The following SP110 variants were observed in gnomAD, a reference collection of about 807,000 sequenced individuals.
SP110 encodes the protein interferon-induced protein 41, 30kD.
Under a neutral mutation model 92.7 loss-of-function variants are expected in SP110, and 62 were observed. The observed-to-expected ratio is 0.67, with a 90% CI of 0.55 to 0.83. The LOEUF (loss-of-function observed/expected upper bound fraction) is 0.83. Among genes scored for constraint, SP110 ranks in the 40% least tolerant of loss-of-function variants. The probability of loss-of-function intolerance (pLI) is 0.00; values close to 1 mark genes in which losing one functional copy is unlikely to be tolerated. For missense variants in SP110, 793 were observed against 863.9 expected (o/e 0.92, Z 1.03); for synonymous variants, 273 against 305.3 (o/e 0.89, Z 1.10).
Position 230,177,538 on chromosome 2 carries a change from C to G in SP110, c.1590G>C (p.Lys530Asn). ...CCTATCTGTCCCGTCATTATAATAC[C>G]TTCAGCAGCTCTCCTAGGGTCATTC... ...CEGMTLGELL[K>N]RKNSDECEVC... is the part of the protein sequence containing the mutation. Residue 530 changes from lysine to asparagine, a missense_variant and splice_region_variant, in exon 14 of 19, where the codon AAG becomes AAC. Physicochemically the swap from Lys to Asn is moderately conservative, Grantham distance 94. Transcript: ENST00000258381. 2 of 1,614,012 alleles carry G rather than the reference C, an allele frequency of 1.2e-6. No homozygotes were observed. The highest frequency in any genetic ancestry group is 8.5e-7 in the Non-Finnish European group (1 of 1,179,886).
chr2:230,195,568 G>T (rs138614867), intron 10 of SP110, among the ~76,000 whole-genome samples: 2,331 of 152,188 alleles, frequency 0.015, 41 homozygotes, highest in African/African-American at 0.051. Context: ...GGACTCAAGT[G>T]AACCTCCTGC....
At chr2:230,206,624 T>C (rs1340953571) in intron 8 of SP110, among the ~76,000 whole-genome samples, 1 of 96,776 alleles carries the variant, frequency 1.0e-5, no homozygotes, top group East Asian at 3.4e-4. Flanking sequence ...TATATATATA[T>C]ATATATATAT....
chr2:230,218,338 G>A (rs905811911), intron 1 of SP110, among the ~76,000 whole-genome samples: 8 of 151,914 alleles, frequency 5.3e-5, no homozygotes, highest in Non-Finnish European at 8.8e-5. Flanking sequence ...TAACTTGGCA[G>A]AAAAAAATAC....
At chr2:230,197,784 C>G (rs1372903392) in intron 10 of SP110, among the ~76,000 whole-genome samples, 1 of 152,040 alleles carries the variant, frequency 6.6e-6, no homozygotes, top group East Asian at 1.9e-4. Context: ...TTCCCAGCAC[C>G]ATTTATTAAA....
chr2:230,216,695 G>A, intron 2 of SP110, 86 bp downstream of exon 2: 1 of 1,534,946 alleles, frequency 6.5e-7, no homozygotes, highest in Non-Finnish European at 9.0e-7. Context: ...AACTCTGGAA[G>A]CCCTGGTGGT....
chr2:230,195,011 CAA>C (rs1288577263), intron 10 of SP110, among the ~76,000 whole-genome samples: 1 of 151,720 alleles, frequency 6.6e-6, no homozygotes, highest in South Asian at 2.1e-4. Flanking sequence ...TGATAAACAC[CAA>C]GAGAGTAACA....
rs138936972 is a variant in SP110, at chr2:230,184,768, A to C, written c.1280-1128T>G. ...AAACAGATGACCCTCAAAAGAAAAA[A>C]TTCCAATGTCAAATTTATTTAAAAA... On this transcript the variant is annotated intron_variant, in intron 11 of 18. Coordinates refer to ENST00000258381, the MANE Select transcript of SP110 (RefSeq NM_080424.4). 4.8e-3 allele frequency among the ~76,000 whole-genome samples: 736 copies of C among 152,330 alleles called. 11 individuals are homozygous for C. The highest frequency in any genetic ancestry group is 0.017 in the African/African-American group (687 of 41,564).
chr2:230,175,945 C>CTTTTTTTTTT lies in SP110; in HGVS notation c.1590+1583_1590+1592dup, dbSNP rs34906767. Reference sequence around the variant, plus strand: ...CTTTTGCTTTTCATGCTGCAGCATTCTTTTTTTTTTTTTTCTGAGACAGGG... The same window carrying CTTTTTTTTTT: ...CTTTTGCTTTTCATGCTGCAGCATTCTTTTTTTTTTTTTTTTTTTTTTTTCTGAGACAGGG... On this transcript the variant is annotated intron_variant, in intron 14 of 18. Transcript: ENST00000258381. Among the ~76,000 whole-genome samples, 223 of 130,758 alleles carry CTTTTTTTTTT rather than the reference C, an allele frequency of 1.7e-3. 16 individuals carry two copies. Among genetic ancestry groups the CTTTTTTTTTT allele is most frequent in the South Asian group, 4.2e-3 (17 of 4,054 alleles). 85.8% of individuals were successfully genotyped at this position (130,758 alleles called of 152,430 possible).
chr2:230,206,824 GC>G (rs931442171), intron 8 of SP110, among the ~76,000 whole-genome samples: 1 of 151,672 alleles, frequency 6.6e-6, no homozygotes, highest in African/African-American at 2.4e-5. Context: ...GAGAATTAGA[GC>G]TATAGCTATT....
intron 14 of SP110, among the ~76,000 whole-genome samples, chr2:230,176,926 CCT>C (rs1277612635): frequency 6.6e-6 from 1 of 152,172 alleles, no homozygotes; most frequent in South Asian, 2.1e-4. Context: ...CACTTTTTCC[CCT>C]GTCACTCAAA....
At chr2:230,198,077 C>G (rs910247244) in intron 10 of SP110, among the ~76,000 whole-genome samples, 1 of 152,224 alleles carries the variant, frequency 6.6e-6, no homozygotes, top group Non-Finnish European at 1.5e-5. Flanking sequence ...GTGTATTTCT[C>G]TATCACATGA....
intron 11 of SP110, among the ~76,000 whole-genome samples, chr2:230,185,189 T>A (rs559839947): frequency 6.6e-6 from 1 of 152,172 alleles, no homozygotes; most frequent in Non-Finnish European, 1.5e-5. Flanking sequence ...TCCCTGGTCT[T>A]GGGCAGAGAG....
At chr2:230,187,216 C>G (rs547107767) in intron 10 of SP110, among the ~76,000 whole-genome samples, 2 of 152,132 alleles carry the variant, frequency 1.3e-5, no homozygotes, top group Admixed American at 1.3e-4. Flanking sequence ...AAGGTGGTAT[C>G]TCATTGTGGT....
At chr2:230,169,345 G>T in intron 18 of SP110, 108 bp from the exon 19 acceptor site, 1 of 741,678 alleles carries the variant, frequency 1.3e-6, no homozygotes. Flanking sequence ...GTCTTTCCCC[G>T]TCACCCAGGC....
intron 13 of SP110, 58 bp from the exon 14 acceptor site, chr2:230,177,738 C>T: frequency 1.9e-6 from 3 of 1,572,200 alleles, no homozygotes; most frequent in Non-Finnish European, 2.6e-6. Flanking sequence ...TCACCCTGAA[C>T]CTCTTCATCC....
At chr2:230,183,126 G>A (rs566885169) in intron 12 of SP110, among the ~76,000 whole-genome samples, 2 of 152,228 alleles carry the variant, frequency 1.3e-5, no homozygotes, top group African/African-American at 4.8e-5. Flanking sequence ...GAAGAGGAGT[G>A]GGAGGGAGAG....
At chr2:230,206,943 A>C (rs1328642073) in intron 8 of SP110, among the ~76,000 whole-genome samples, 1 of 152,056 alleles carries the variant, frequency 6.6e-6, no homozygotes, top group African/African-American at 2.4e-5. Context: ...ATCCTAAAGT[A>C]CCAGGAAAAC....
chr2:230,177,816 G>T, intron 13 of SP110, 136 bp from the exon 14 acceptor site: 1 of 998,810 alleles, frequency 1.0e-6, no homozygotes, highest in Non-Finnish European at 1.6e-6. Context: ...AGTAGCAGGG[G>T]AGTCTGCGGG....
chr2:230,218,502 A>G (rs570823489), intron 1 of SP110, among the ~76,000 whole-genome samples: 6 of 152,338 alleles, frequency 3.9e-5, no homozygotes, highest in Admixed American at 3.9e-4. Context: ...TGCAAAGATC[A>G]GTGCAAAGTC....
Sources: gnomAD v4.1 joint callset for allele counts (sites outside exome capture counted in the v4.1 genomes callset) on GRCh38, gnomAD v4.1.1 for gene constraint, MANE v1.5 for transcripts, NCBI Gene and HGNC (gene_info 2026-07-23, HGNC 2026-07-21) for gene names.